IARS2: variants seen among roughly 807,000 people sequenced by gnomAD.
IARS2 encodes isoleucine--tRNA ligase, mitochondrial.
In IARS2, 56 loss-of-function variants were observed where a neutral mutation model predicts 126.3. The observed-to-expected ratio is 0.44, with a 90% confidence interval of 0.36 to 0.55. The LOEUF (loss-of-function observed/expected upper bound fraction) is 0.55. IARS2 is among the 20% of genes least tolerant of loss of function. IARS2 has a pLI of 0.00. For synonymous variants in IARS2, 407 were observed against 441.1 expected, an observed-to-expected ratio of 0.92 and a Z score of 0.97; for missense variants, 1,127 against 1,245.9, an observed-to-expected ratio of 0.90 and a Z score of 1.44.
In IARS2 at chr1:220,102,591, G is replaced by C. The variant is rs976770107; in HGVS notation, c.846G>C (p.Leu282Phe). Residue 282 changes from leucine (L) to phenylalanine (F), a missense_variant, in exon 6 of 23, where the codon TTG (leucine) becomes TTC (phenylalanine). Transcript: ENST00000366922. ...KFPLLKPSPK[L>F]ASLIDGSSPV... ...CTCTCTTAAAGCCTTCTCCAAAATT[G>C]GCATCTCTTATAGGTAAGATTTATT... 3.1e-6 allele frequency: 5 copies of C among 1,609,990 alleles called. No homozygotes were observed. In the African/African-American group the frequency reaches 6.7e-5, roughly 22 times the overall value.
At chr1:220,147,458 C>A (rs1387653824) in intron 22 of IARS2, 35 bp from the exon 23 acceptor site, 1 of 1,605,278 alleles carries the variant, frequency 6.2e-7, no homozygotes, top group Non-Finnish European at 8.5e-7. Flanking sequence ...AAGTTGAATG[C>A]CTATCAGAAA....
At chr1:220,133,754 A>G (rs1004419071) in intron 14 of IARS2, among the ~76,000 whole-genome samples, 1 of 152,154 alleles carries the variant, frequency 6.6e-6, no homozygotes, top group Non-Finnish European at 1.5e-5. Flanking sequence ...ATTTTGCTAC[A>G]GTTGCTTTAT....
chr1:220,111,686 A>G (rs1460706904), intron 11 of IARS2, among the ~76,000 whole-genome samples: 1 of 151,428 alleles, frequency 6.6e-6, no homozygotes, highest in Non-Finnish European at 1.5e-5. Flanking sequence ...TGTGTTAACC[A>G]GGTTGAATAT....
At chr1:220,120,996 C>T (rs1027996483) in intron 12 of IARS2, among the ~76,000 whole-genome samples, 1 of 152,112 alleles carries the variant, frequency 6.6e-6, no homozygotes, top group Non-Finnish European at 1.5e-5. Flanking sequence ...GAGACTTGCT[C>T]TCTTAATGAG....
intron 14 of IARS2, among the ~76,000 whole-genome samples, chr1:220,128,176 T>G (rs1236485264): frequency 1.3e-5 from 2 of 151,632 alleles, no homozygotes; most frequent in Non-Finnish European, 2.9e-5. Flanking sequence ...GAGGGCCGAC[T>G]TTTCATATAT....
intron 15 of IARS2, among the ~76,000 whole-genome samples, chr1:220,136,352 G>A (rs996797239): frequency 2.0e-5 from 3 of 152,102 alleles, no homozygotes; most frequent in South Asian, 2.1e-4. Flanking sequence ...GGCTGGCCTC[G>A]AGCTCCTGGC....
At chr1:220,101,187 T>C (rs1245139122) in intron 3 of IARS2, among the ~76,000 whole-genome samples, 1 of 152,178 alleles carries the variant, frequency 6.6e-6, no homozygotes, top group Non-Finnish European at 1.5e-5. Flanking sequence ...TTGTGTATAA[T>C]GAAATGAAAA....
chr1:220,147,003 C>G (rs1657610529), intron 22 of IARS2, among the ~76,000 whole-genome samples: 1 of 152,084 alleles, frequency 6.6e-6, no homozygotes, highest in South Asian at 2.1e-4. Flanking sequence ...TGTACAATGA[C>G]TAGAAAATAA....
At chr1:220,110,656 G>A in intron 10 of IARS2, 130 bp from the exon 11 acceptor site, 2 of 685,030 alleles carry the variant, frequency 2.9e-6, no homozygotes, top group East Asian at 5.3e-5. Context: ...GAGCCACTGT[G>A]GCTGGCAAGG....
rs923572673 is a variant in IARS2, at chr1:220,147,980, T to C, written c.*345T>C. 5.1e-6 allele frequency: 2 copies of C among 391,854 alleles called. No individual in the cohort carries two copies. The highest frequency in any genetic ancestry group is 4.1e-5 in the African/African-American group (2 of 48,466). 24.3% of individuals were successfully genotyped at this position (391,854 alleles called of 1,614,324 possible). A position where few individuals can be genotyped will look rare whatever the true frequency, so the allele number is the denominator to read the frequency against. On this transcript the variant is annotated 3_prime_UTR_variant, in exon 23 of 23. Transcript: ENST00000366922. Reference sequence around the variant, plus strand: ...CAGAAAATGTTTTATATTTTATAAATCATCTTTTGACTCTGTATTTAAATT... The same window carrying C: ...CAGAAAATGTTTTATATTTTATAAACCATCTTTTGACTCTGTATTTAAATT...
intron 7 of IARS2, 107 bp from the exon 8 acceptor site, chr1:220,103,340 G>A (rs1452489222): frequency 1.6e-5 from 11 of 688,458 alleles, no homozygotes; most frequent in East Asian, 2.7e-5. Context: ...GAGCCACCGC[G>A]CTGGCCTGAA....
chr1:220,126,224 G>A (rs1314618050), intron 13 of IARS2, among the ~76,000 whole-genome samples: 22 of 152,214 alleles, frequency 1.4e-4, no homozygotes, highest in Admixed American at 1.2e-3. Flanking sequence ...GCAGTGAGCC[G>A]AGATCGCGCC....
At chr1:220,122,705 G>A (rs901833240) in intron 12 of IARS2, among the ~76,000 whole-genome samples, 7 of 152,218 alleles carry the variant, frequency 4.6e-5, no homozygotes, top group Admixed American at 2.0e-4. Flanking sequence ...TGTGGTGTAC[G>A]TATATACATA....
chr1:220,142,221 T>C (rs1379307335), intron 20 of IARS2, among the ~76,000 whole-genome samples: 2 of 152,156 alleles, frequency 1.3e-5, no homozygotes, highest in Non-Finnish European at 2.9e-5. Flanking sequence ...CTGAAATGGC[T>C]GGCATGGTGG....
In IARS2 at chr1:220,147,724, G is replaced by A. The variant is rs1657634100; in HGVS notation, c.*89G>A. 1.5e-6 allele frequency: 2 copies of A among 1,375,154 alleles called. No individual in the cohort carries two copies. The highest frequency in any genetic ancestry group is 2.0e-6 in the Non-Finnish European group (2 of 994,410). The allele number at this position is 1,375,154 out of a possible 1,614,324, so 85.2% of individuals were successfully genotyped here. The stretch of plus-strand genomic sequence containing the variant: ...TTTACAATATAGGAAAGAAAGCCAA[G>A]ATTTAGGTAATGAGTGGATGAGTAA... On this transcript the variant is annotated 3_prime_UTR_variant, in exon 23 of 23. Transcript: ENST00000366922.
chr1:220,134,277 A>C (rs1469475014), intron 14 of IARS2, 125 bp from the exon 15 acceptor site: 6 of 615,628 alleles, frequency 9.7e-6, no homozygotes, highest in Non-Finnish European at 1.6e-5. Flanking sequence ...GGCATCTGTC[A>C]GTTTTCTCTA....
rs1426722591 is a variant in IARS2, at chr1:220,107,077, A to C, written c.1253A>C (p.Glu418Ala). The C allele has an allele frequency of 1.2e-6, 2 of 1,611,256 alleles. No individual in the cohort carries two copies. The highest frequency in any genetic ancestry group is 1.3e-5 in the African/African-American group (1 of 74,874). Residue 418 changes from glutamate (E) to alanine (A), a missense_variant, in exon 10 of 23, where the codon GAA becomes GCA. Glu to Ala is a moderately radical substitution (Grantham distance 107). Coordinates refer to ENST00000366922, the MANE Select transcript of IARS2 (RefSeq NM_018060.4). The part of the protein sequence containing the change: ...HNLPMDCLVD[E>A]DGVFTDVAGP... ...ACTTTATAGGATTGTCTAGTGGACG[A>C]AGATGGAGTTTTCACAGATGTTGCA...
At position 220,114,444 on chromosome 1, in the gene IARS2, A is replaced by C. The variant is rs145835908; in HGVS notation, c.1610A>C (p.His537Pro). 2 of 1,614,002 alleles carry C rather than the reference A, an allele frequency of 1.2e-6. No homozygotes were observed. The highest frequency in any genetic ancestry group is 1.7e-6 in the Non-Finnish European group (2 of 1,179,888). Residue 537 changes from histidine to proline, a missense_variant, in exon 12 of 23, where the codon CAT (histidine) becomes CCT (proline). His to Pro is a moderately conservative substitution (Grantham distance 77). Transcript: ENST00000366922. ...VWGVPIPVFH[H>P]KTKDEYLINS... ...GGTGTTCCAATTCCTGTGTTTCATCATAAGACCAAGGATGAATACTTGATC... is the reference window on the plus strand; with the variant it reads ...GGTGTTCCAATTCCTGTGTTTCATCCTAAGACCAAGGATGAATACTTGATC...
chr1:220,144,484 A>G (rs1214453454), intron 21 of IARS2: 2 of 483,358 alleles, frequency 4.1e-6, no homozygotes, highest in Non-Finnish European at 3.7e-6. Flanking sequence ...AGCAAGATTA[A>G]GATTTGAGCT....
Sources: allele counts gnomAD v4.1 joint callset (sites outside exome capture counted in the v4.1 genomes callset), GRCh38; gene constraint gnomAD v4.1.1; transcripts MANE v1.5; gene names NCBI Gene and HGNC (gene_info 2026-07-23, HGNC 2026-07-21).